Variants in PCDH15 observed in about 807,000 individuals in gnomAD.
PCDH15 encodes the protein protocadherin-15.
PCDH15 carries 129 observed loss-of-function variants against 178.5 expected under a neutral mutation model. The observed-to-expected ratio is 0.72, with a 90% CI of 0.63 to 0.84. The LOEUF is 0.84. PCDH15 is among the 40% of genes least tolerant of loss of function. The probability of loss-of-function intolerance (pLI) is 0.00; values close to 1 mark genes in which losing one functional copy is unlikely to be tolerated. For missense variants in PCDH15, 2,230 were observed against 2,099.9 expected, an observed-to-expected ratio of 1.06 and a Z score of -1.21; for synonymous variants, 800 against 732.0, an observed-to-expected ratio of 1.09 and a Z score of -1.50.
intron 3 of PCDH15, among the ~76,000 whole-genome samples, chr10:54,388,674 T>G (rs367904312): frequency 1.3e-5 from 2 of 152,188 alleles, no homozygotes; most frequent in African/African-American, 4.8e-5. Context: ...TGGTGTGAGC[T>G]CTTTGCTATG....
chr10:54,070,164 T>C (rs1411980916), intron 17 of PCDH15, among the ~76,000 whole-genome samples: 1 of 152,192 alleles, frequency 6.6e-6, no homozygotes, highest in African/African-American at 2.4e-5. Context: ...ATTTTCAAAA[T>C]ATATGTCTCA....
At chr10:54,592,756 A>C (rs930431498) in intron 2 of PCDH15, among the ~76,000 whole-genome samples, 1 of 152,198 alleles carries the variant, frequency 6.6e-6, no homozygotes, top group African/African-American at 2.4e-5. Flanking sequence ...TAATTGTTAA[A>C]GGAATCTTCA....
In PCDH15 at chr10:55,289,048, A is replaced by C. The variant is rs553081810; in HGVS notation, c.-156+30551T>G. Reference sequence around the variant, plus strand: ...TTCTAAATATTTACTTACCAACATAAAACATAAAGTACCAATCAAATGAAA... The same window carrying C: ...TTCTAAATATTTACTTACCAACATACAACATAAAGTACCAATCAAATGAAA... On this transcript the variant is annotated intron_variant, in intron 1 of 5. Coordinates refer to the PCDH15 transcript ENST00000458638. Among the ~76,000 whole-genome samples, 8 of 152,150 alleles carry C rather than the reference A, an allele frequency of 5.3e-5. 1 individual carries two copies. The highest frequency in any genetic ancestry group is 8.8e-5 in the Non-Finnish European group (6 of 67,952).
At chr10:53,841,201 T>C (rs772447620) in intron 28 of PCDH15, among the ~76,000 whole-genome samples, 6 of 152,188 alleles carry the variant, frequency 3.9e-5, no homozygotes, top group Non-Finnish European at 7.3e-5. Context: ...TTATTACCAT[T>C]TCCCAAATGT....
chr10:53,930,554 T>TTC (rs1226366334), intron 25 of PCDH15, among the ~76,000 whole-genome samples: 1 of 152,060 alleles, frequency 6.6e-6, no homozygotes, highest in East Asian at 1.9e-4. Context: ...AGACAGTTGT[T>TTC]TTCAGATAAA....
At position 54,909,880 on chromosome 10, in the gene PCDH15, C is replaced by T. The variant is rs11004628; in HGVS notation, c.-79-12380G>A. ...CTGATGATCAGGTGACTCAGCCAGG[C>T]CCCTCACGATGGCTCCCAGGGAGGT... On this transcript the variant is annotated intron_variant, in intron 2 of 5. Coordinates refer to the PCDH15 transcript ENST00000458638. Among the ~76,000 whole-genome samples the T allele has an allele frequency of 1.1e-4, 16 of 152,146 alleles. 1 individual carries two copies. The highest frequency in any genetic ancestry group is 3.9e-4 in the African/African-American group (16 of 41,530).
chr10:54,490,449 C>CA (rs1458395105), intron 3 of PCDH15, among the ~76,000 whole-genome samples: 5 of 150,558 alleles, frequency 3.3e-5, no homozygotes, highest in Non-Finnish European at 5.9e-5. Context: ...GACTATGTCT[C>CA]AAAAATAAAT....
At chr10:55,206,586 C>A (rs932752771) in intron 1 of PCDH15, among the ~76,000 whole-genome samples, 1 of 152,094 alleles carries the variant, frequency 6.6e-6, no homozygotes, top group African/African-American at 2.4e-5. Flanking sequence ...ACTATTGATT[C>A]TTTCTCTTCA....
chr10:55,457,850 T>C (rs963316060), intron 2 of PCDH15, among the ~76,000 whole-genome samples: 2 of 152,094 alleles, frequency 1.3e-5, no homozygotes, highest in African/African-American at 2.4e-5. Flanking sequence ...ATATACTGAA[T>C]GTCACTGTAT....
intron 8 of PCDH15, among the ~76,000 whole-genome samples, chr10:54,292,788 C>T (rs143197339): frequency 0.012 from 1,762 of 152,158 alleles, 33 homozygotes; most frequent in African/African-American, 0.038. Context: ...TCAAGGAGAA[C>T]TACAAACCAC....
chr10:53,966,849 A>G (rs914926799), intron 21 of PCDH15, among the ~76,000 whole-genome samples: 2 of 151,438 alleles, frequency 1.3e-5, no homozygotes, highest in Non-Finnish European at 2.9e-5. Context: ...TATGAATTAT[A>G]TATTTTAATT....
intron 1 of PCDH15, among the ~76,000 whole-genome samples, chr10:54,748,897 G>C (rs893352531): frequency 6.6e-6 from 1 of 152,150 alleles, no homozygotes; most frequent in Non-Finnish European, 1.5e-5. Context: ...CCTTGCCCTG[G>C]CAGTGGATTT....
chr10:53,888,310 G>GTATATATATACGTA (rs1554845230), intron 26 of PCDH15, among the ~76,000 whole-genome samples: 1 of 28,710 alleles, frequency 3.5e-5, no homozygotes, highest in African/African-American at 9.0e-5. Flanking sequence ...ATATATATAT[G>GTATATATATACGTA]TATATATGTA....
intron 5 of PCDH15, among the ~76,000 whole-genome samples, chr10:54,357,804 A>T (rs1405935667): frequency 6.6e-6 from 1 of 152,120 alleles, no homozygotes; most frequent in Non-Finnish European, 1.5e-5. Flanking sequence ...TGGTACTGGT[A>T]CCAAAACAGA....
At chr10:54,498,465 TG>T (rs2080338026) in intron 3 of PCDH15, among the ~76,000 whole-genome samples, 1 of 152,116 alleles carries the variant, frequency 6.6e-6, no homozygotes, top group African/African-American at 2.4e-5. Flanking sequence ...ATATTGACCT[TG>T]GATGTAAATG....
chr10:55,386,843 T>C lies in PCDH15; in HGVS notation c.-155-220192A>G, dbSNP rs1270178976. Reference sequence around the variant, plus strand: ...TGTAATGCGTGGCAAAATACAACTATATATCTAATTTTGGAGCGATTTCTA... The same window carrying C: ...TGTAATGCGTGGCAAAATACAACTACATATCTAATTTTGGAGCGATTTCTA... On this transcript the variant is annotated intron_variant, in intron 2 of 5. Transcript: ENST00000613346. Among the ~76,000 whole-genome samples the C allele has an allele frequency of 4.6e-5, 7 of 152,218 alleles. No individual in the cohort carries two copies. In the East Asian group the frequency reaches 1.4e-3, roughly 29 times the overall value.
At chr10:54,319,536 A>G (rs982761137) in intron 7 of PCDH15, among the ~76,000 whole-genome samples, 10 of 152,150 alleles carry the variant, frequency 6.6e-5, no homozygotes, top group African/African-American at 2.4e-4. Flanking sequence ...AAGCAACTGC[A>G]TGAGTGGTGC....
At chr10:55,438,226 A>ACACAC (rs1165719624) in intron 2 of PCDH15, among the ~76,000 whole-genome samples, 1 of 121,682 alleles carries the variant, frequency 8.2e-6, no homozygotes, top group Admixed American at 8.2e-5. Context: ...CACACACACA[A>ACACAC]AATACCTACA....
At chr10:54,092,065 C>CA (rs1459949301) in intron 15 of PCDH15, among the ~76,000 whole-genome samples, 2 of 152,196 alleles carry the variant, frequency 1.3e-5, no homozygotes, top group African/African-American at 2.4e-5. Context: ...TGACGTACCT[C>CA]AAAAAATAAA....
Sources: allele counts gnomAD v4.1 joint callset (sites outside exome capture counted in the v4.1 genomes callset), GRCh38; gene constraint gnomAD v4.1.1; transcripts MANE v1.5; gene names NCBI Gene and HGNC (gene_info 2026-07-23, HGNC 2026-07-21).